The following NRXN3 variants were observed in gnomAD, a reference collection of about 807,000 sequenced individuals.
NRXN3 encodes the protein neurexin 3, also known as neurexin III.
A neutral mutation model predicts 137.6 loss-of-function variants in NRXN3; 32 were observed. The observed-to-expected ratio is 0.23, with a 90% CI of 0.18 to 0.31. The LOEUF is 0.31. Among genes scored for constraint, NRXN3 ranks in the 10% least tolerant of loss-of-function variants. The pLI is 1.00. For missense variants in NRXN3, 1,574 were observed against 2,062.5 expected (o/e 0.76, Z 4.59); for synonymous variants, 798 against 784.5 (o/e 1.02, Z -0.29).
chr14:79,044,358 G>T (rs2099629606), intron 15 of NRXN3, among the ~76,000 whole-genome samples: 1 of 152,170 alleles, frequency 6.6e-6, no homozygotes, highest in South Asian at 2.1e-4. Flanking sequence ...TTGAGTTAAA[G>T]TTCCCTGAGT....
chr14:78,660,593 G>A (rs1602043579), intron 6 of NRXN3, among the ~76,000 whole-genome samples: 1 of 152,044 alleles, frequency 6.6e-6, no homozygotes, highest in East Asian at 1.9e-4. Context: ...CTAAGCTTCT[G>A]GCCACTATCT....
intron 9 of NRXN3, among the ~76,000 whole-genome samples, chr14:78,806,335 G>A (rs984310662): frequency 1.1e-4 from 16 of 152,030 alleles, no homozygotes; most frequent in Middle Eastern, 3.4e-3. Context: ...TTTTCCTTCC[G>A]TTCCCTCCCC....
intron 4 of NRXN3, among the ~76,000 whole-genome samples, chr14:78,413,528 G>A (rs2092955707): frequency 6.6e-6 from 1 of 152,046 alleles, no homozygotes; most frequent in African/African-American, 2.4e-5. Context: ...CAGGTGGTCC[G>A]GCCGAGGCCT....
intron 16 of NRXN3, among the ~76,000 whole-genome samples, chr14:79,488,469 AAAG>A (rs2096678869): frequency 6.6e-6 from 1 of 152,304 alleles, no homozygotes; most frequent in South Asian, 2.1e-4. Context: ...TTTTGAAGCA[AAAG>A]AAGGAGCCAG....
chr14:78,938,935 C>G (rs1261954638), intron 10 of NRXN3, among the ~76,000 whole-genome samples: 1 of 150,834 alleles, frequency 6.6e-6, no homozygotes, highest in Non-Finnish European at 1.5e-5. Context: ...GGCTCCGCCC[C>G]CTGGGGTTCA....
At chr14:79,073,268 TG>T (rs753997132) in intron 15 of NRXN3, among the ~76,000 whole-genome samples, 5 of 152,178 alleles carry the variant, frequency 3.3e-5, no homozygotes, top group Non-Finnish European at 4.4e-5. Flanking sequence ...TACTTGGTAA[TG>T]TAGAAACTAT....
At chr14:79,679,730 G>A (rs1164224992) in intron 17 of NRXN3, among the ~76,000 whole-genome samples, 1 of 152,162 alleles carries the variant, frequency 6.6e-6, no homozygotes, top group Non-Finnish European at 1.5e-5. Context: ...ATTCAATACA[G>A]AGTAGCGGAA....
intron 16 of NRXN3, among the ~76,000 whole-genome samples, chr14:79,617,665 T>C (rs1020398355): frequency 6.6e-6 from 1 of 152,058 alleles, no homozygotes; most frequent in African/African-American, 2.4e-5. Flanking sequence ...GATGAGTCTT[T>C]CCCTAACGAG....
chr14:79,146,732 A>T (rs2059336070), intron 15 of NRXN3, among the ~76,000 whole-genome samples: 2 of 152,156 alleles, frequency 1.3e-5, no homozygotes, highest in Non-Finnish European at 2.9e-5. Context: ...AGCAGAATCC[A>T]TCTCCTTGGG....
At chr14:79,816,703 A>T (rs919762089) in intron 20 of NRXN3, among the ~76,000 whole-genome samples, 1 of 152,286 alleles carries the variant, frequency 6.6e-6, no homozygotes, top group South Asian at 2.1e-4. Flanking sequence ...TAACTTTTAA[A>T]CTCTAATGAA....
At chr14:78,273,530 G>T (rs530522305) in intron 2 of NRXN3, among the ~76,000 whole-genome samples, 1 of 152,278 alleles carries the variant, frequency 6.6e-6, no homozygotes, top group African/African-American at 2.4e-5. Flanking sequence ...CTGACTCCTT[G>T]CCTTGCTGCC....
chr14:78,905,356 GA>G (rs1426930584), intron 10 of NRXN3, among the ~76,000 whole-genome samples: 3 of 151,994 alleles, frequency 2.0e-5, no homozygotes, highest in African/African-American at 7.2e-5. Flanking sequence ...ATTTTTATTT[GA>G]ATATTTTATA....
intron 15 of NRXN3, among the ~76,000 whole-genome samples, chr14:79,462,930 A>ATATGTACATACACATATGTATGTATATG (rs1600670260): frequency 5.7e-5 from 2 of 34,816 alleles, no homozygotes; most frequent in East Asian, 7.4e-4. Flanking sequence ...GTATGTATAT[A>ATATGTACATACACATATGTATGTATATG]TTATTTGTAT....
chr14:79,513,095 G>T (rs2096948102), intron 16 of NRXN3, among the ~76,000 whole-genome samples: 1 of 152,198 alleles, frequency 6.6e-6, no homozygotes, highest in Admixed American at 6.5e-5. Context: ...GTAACCTGGG[G>T]TATAACCCCA....
intron 19 of NRXN3, among the ~76,000 whole-genome samples, chr14:79,804,431 G>A (rs1209071567): frequency 6.6e-6 from 1 of 152,122 alleles, no homozygotes; most frequent in Non-Finnish European, 1.5e-5. Context: ...GGTGCCTCAA[G>A]TCGAACTACT....
intron 4 of NRXN3, among the ~76,000 whole-genome samples, chr14:78,429,632 C>CA: frequency 6.6e-6 from 1 of 152,162 alleles, no homozygotes; most frequent in Admixed American, 6.5e-5. Flanking sequence ...GCCACTCAGG[C>CA]ACACAGAGGG....
chr14:79,773,822 T>G (rs940133098), intron 19 of NRXN3, among the ~76,000 whole-genome samples: 82 of 132,578 alleles, frequency 6.2e-4, no homozygotes, highest in African/African-American at 2.1e-3. Context: ...AAAATAAAAA[T>G]AAAAATACAA....
chr14:79,173,918 G>T (rs183050782), intron 15 of NRXN3, among the ~76,000 whole-genome samples: 18 of 152,234 alleles, frequency 1.2e-4, no homozygotes, highest in African/African-American at 4.3e-4. Context: ...GTATATGTGG[G>T]CTAAGTTTGT....
chr14:79,433,668 A>G (rs1007783248), intron 15 of NRXN3, among the ~76,000 whole-genome samples: 2 of 152,216 alleles, frequency 1.3e-5, no homozygotes, highest in Non-Finnish European at 2.9e-5. Context: ...AGGAAGTGAG[A>G]GAGTGATATG....
Sources: gnomAD v4.1 joint callset for allele counts (sites outside exome capture counted in the v4.1 genomes callset) on GRCh38, gnomAD v4.1.1 for gene constraint, MANE v1.5 for transcripts, NCBI Gene and HGNC (gene_info 2026-07-23, HGNC 2026-07-21) for gene names.